ALK: variants seen among roughly 807,000 people sequenced by gnomAD.
The protein encoded by ALK is ALK tyrosine kinase receptor.
In ALK, 74 loss-of-function variants were observed where a neutral mutation model predicts 163.1. The ratio of observed to expected loss-of-function variants is 0.45; its 90% confidence interval spans 0.38 to 0.55. ALK has a LOEUF of 0.55. Ranked by LOEUF, ALK falls within the 20% of genes least tolerant of loss-of-function variation. The pLI is 0.00. For missense variants in ALK, 2,063 were observed against 2,105.3 expected (o/e 0.98, Z 0.39); for synonymous variants, 960 against 843.2 (o/e 1.14, Z -2.40).
chr2:29,740,186 G>A (rs1235347892), intron 1 of ALK, among the ~76,000 whole-genome samples: 2 of 152,072 alleles, frequency 1.3e-5, no homozygotes, highest in Admixed American at 6.5e-5. Flanking sequence ...TAACTATGCA[G>A]GGCCAGTTTA....
chr2:29,644,854 A>G (rs1676826231), intron 3 of ALK, among the ~76,000 whole-genome samples: 1 of 152,220 alleles, frequency 6.6e-6, no homozygotes, highest in South Asian at 2.1e-4. Flanking sequence ...TCAGAAAATC[A>G]GAATTAATTA....
intron 8 of ALK, among the ~76,000 whole-genome samples, chr2:29,311,659 A>G (rs1462179709): frequency 2.0e-5 from 3 of 152,162 alleles, no homozygotes; most frequent in Admixed American, 6.5e-5. Context: ...CACTCCCAGG[A>G]GCTCCCCTGG....
chr2:29,546,042 G>A (rs1362744122), intron 3 of ALK, among the ~76,000 whole-genome samples: 5 of 152,070 alleles, frequency 3.3e-5, no homozygotes, highest in South Asian at 2.1e-4. Flanking sequence ...GTGTGTGTGC[G>A]TATATACGTG....
intron 8 of ALK, among the ~76,000 whole-genome samples, chr2:29,303,799 G>A (rs77918408): frequency 2.2e-3 from 336 of 152,272 alleles, no homozygotes; most frequent in African/African-American, 7.7e-3. Flanking sequence ...ATCAAATACC[G>A]TATGTGCTCA....
chr2:29,229,727 A>C (rs1455614055), intron 15 of ALK, among the ~76,000 whole-genome samples: 1 of 152,164 alleles, frequency 6.6e-6, no homozygotes, highest in East Asian at 1.9e-4. Flanking sequence ...ACAAACTGCC[A>C]GGGGTGGGGA....
intron 1 of ALK, among the ~76,000 whole-genome samples, chr2:29,885,051 G>T (rs949553707): frequency 6.6e-6 from 1 of 152,194 alleles, no homozygotes; most frequent in East Asian, 1.9e-4. Context: ...AGAGAAAAGC[G>T]ACAGGTTTGG....
At chr2:29,497,162 C>T (rs1472064451) in intron 4 of ALK, among the ~76,000 whole-genome samples, 1 of 152,048 alleles carries the variant, frequency 6.6e-6, no homozygotes, top group Non-Finnish European at 1.5e-5. Flanking sequence ...ATCTCAGCTA[C>T]TAGGGAGGAT....
rs754164750 is a variant in ALK at position 29,222,589 on chromosome 2, G to C, written c.3378C>G (p.Ala1126=). The C allele has an allele frequency of 2.5e-6, 4 of 1,614,056 alleles. No homozygotes were observed. The highest frequency in any genetic ancestry group is 2.2e-5 in the South Asian group (2 of 91,052). Residue 1126 remains alanine, a synonymous_variant, in exon 21 of 29, where the codon GCC becomes GCG. Transcript: ENST00000389048. ...CCTGGCCTTCATACACCTCCCCAAA[G>C]GCGCCATGGCCCAGACCCCTGTGCA... ...ITLIRGLGHG[A]FGEVYEGQVS...
chr2:29,294,851 C>T (rs566039859), intron 9 of ALK, among the ~76,000 whole-genome samples: 1 of 152,204 alleles, frequency 6.6e-6, no homozygotes, highest in African/African-American at 2.4e-5. Context: ...AAAGCCTCTG[C>T]CCTTTCATCT....
At chr2:29,734,347 T>G (rs572602075) in intron 1 of ALK, among the ~76,000 whole-genome samples, 1 of 152,278 alleles carries the variant, frequency 6.6e-6, no homozygotes, top group South Asian at 2.1e-4. Flanking sequence ...CGTTTTCAGA[T>G]TTTTTTAACA....
intron 1 of ALK, among the ~76,000 whole-genome samples, chr2:29,773,957 T>G (rs1194619789): frequency 6.6e-6 from 1 of 152,178 alleles, no homozygotes; most frequent in Non-Finnish European, 1.5e-5. Context: ...TAAGATAATA[T>G]TCAATGGAGA....
chr2:29,650,434 G>C (rs1021863057), intron 3 of ALK, among the ~76,000 whole-genome samples: 1 of 152,124 alleles, frequency 6.6e-6, no homozygotes, highest in Non-Finnish European at 1.5e-5. Context: ...TTTCATTATG[G>C]AAAAGGGTAA....
At chr2:29,306,014 T>G (rs922559007) in intron 8 of ALK, among the ~76,000 whole-genome samples, 2 of 151,914 alleles carry the variant, frequency 1.3e-5, no homozygotes, top group Admixed American at 6.6e-5. Flanking sequence ...CAGATGAAGT[T>G]TTGCTCACTT....
At chr2:29,207,497 A>T (rs185644860) in intron 25 of ALK, among the ~76,000 whole-genome samples, 150 of 152,356 alleles carry the variant, frequency 9.8e-4, no homozygotes, top group African/African-American at 3.3e-3. Flanking sequence ...GAGAGGCATG[A>T]GAGGAATGAT....
At chr2:29,254,413 C>T (rs1664903513) in intron 11 of ALK, among the ~76,000 whole-genome samples, 1 of 152,136 alleles carries the variant, frequency 6.6e-6, no homozygotes, top group South Asian at 2.1e-4. Context: ...AGCATCTCAC[C>T]TTCAGTGGGA....
rs146872601 is a variant in ALK at position 29,382,744 on chromosome 2, G to C, written c.1282+988C>G. ...CCAAGCCACATGTTTCTTATACATTGCCTCATATCATAGGTTAACCACCTT... is the reference window on the plus strand; with the variant it reads ...CCAAGCCACATGTTTCTTATACATTCCCTCATATCATAGGTTAACCACCTT... On this transcript the variant is annotated intron_variant, in intron 5 of 28. Transcript: ENST00000389048. 4.2e-3 allele frequency among the ~76,000 whole-genome samples: 634 copies of C among 152,292 alleles called. 4 individuals are homozygous for C. Among genetic ancestry groups the C allele is most frequent in the African/African-American group, 0.014 (594 of 41,544 alleles).
At chr2:29,256,093 G>A (rs897543681) in intron 11 of ALK, among the ~76,000 whole-genome samples, 2 of 152,206 alleles carry the variant, frequency 1.3e-5, no homozygotes, top group African/African-American at 2.4e-5. Context: ...GAAGTGGAAG[G>A]CAATGGGCAC....
At chr2:29,291,423 G>A (rs1666020204) in intron 9 of ALK, among the ~76,000 whole-genome samples, 1 of 152,076 alleles carries the variant, frequency 6.6e-6, no homozygotes. Context: ...TCAAGTTTCT[G>A]CTACATGCCA....
intron 1 of ALK, among the ~76,000 whole-genome samples, chr2:29,746,264 TA>T (rs913646779): frequency 7.2e-5 from 11 of 152,084 alleles, no homozygotes; most frequent in African/African-American, 1.9e-4. Flanking sequence ...AAGTTTTGAT[TA>T]AAAAAAATTA....
Sources: gnomAD v4.1 joint callset for allele counts (sites outside exome capture counted in the v4.1 genomes callset) on GRCh38, gnomAD v4.1.1 for gene constraint, MANE v1.5 for transcripts, NCBI Gene and HGNC (gene_info 2026-07-23, HGNC 2026-07-21) for gene names.